PHF3: variants seen among roughly 807,000 people sequenced by gnomAD.
PHF3 encodes the protein PHD finger protein 3.
PHF3 carries 41 observed loss-of-function variants against 178.4 expected under a neutral mutation model. That is an observed-to-expected ratio of 0.23 (90% CI 0.18 to 0.30). The LOEUF is 0.30. Ranked by LOEUF, PHF3 falls within the 10% of genes least tolerant of loss-of-function variation. The pLI, the probability that PHF3 is intolerant of heterozygous loss-of-function variation, is 1.00. For missense variants in PHF3, 2,346 were observed against 2,398.1 expected (o/e 0.98, Z 0.45); for synonymous variants, 842 against 800.5 (o/e 1.05, Z -0.88).
At chr6:63,702,895 T>C (rs1767535032) in intron 10 of PHF3, among the ~76,000 whole-genome samples, 1 of 152,164 alleles carries the variant, frequency 6.6e-6, no homozygotes, top group Non-Finnish European at 1.5e-5. Context: ...TATTTTTTGG[T>C]GGGATAGAGT....
At chr6:63,681,670 A>G (rs964857937) in intron 3 of PHF3, among the ~76,000 whole-genome samples, 1 of 151,936 alleles carries the variant, frequency 6.6e-6, no homozygotes, top group Non-Finnish European at 1.5e-5. Flanking sequence ...TTTTGTCTTT[A>G]TTAAGATACT....
intron 2 of PHF3, among the ~76,000 whole-genome samples, chr6:63,667,934 G>A (rs1582038809): frequency 6.6e-6 from 1 of 152,282 alleles, no homozygotes; most frequent in South Asian, 2.1e-4. Context: ...TTGGATTACT[G>A]GGTTAAGGTA....
intron 4 of PHF3, among the ~76,000 whole-genome samples, chr6:63,687,372 C>T (rs929660505): frequency 7.9e-5 from 12 of 152,124 alleles, no homozygotes; most frequent in Admixed American, 5.9e-4. Flanking sequence ...TGCAGTGAGC[C>T]GACATTGAGC....
intron 2 of PHF3, chr6:63,679,098 GT>G (rs144676369): frequency 5.6e-3 from 770 of 137,522 alleles, no homozygotes; most frequent in Middle Eastern, 0.014. Flanking sequence ...TGATAAAGGT[GT>G]TTTTTTTTTT....
At position 63,661,132 on chromosome 6, in the gene PHF3, C is replaced by T. The variant is rs571212144; in HGVS notation, c.244+14337C>T. Among the ~76,000 whole-genome samples, 25 of 152,250 alleles carry T rather than the reference C, an allele frequency of 1.6e-4. No individual in the cohort carries two copies. The South Asian group carries it at 5.0e-3, about 30-fold the overall frequency. ...ACAGTTCTTGCAGTTCTCAACATTACTGTGTTTAATCCCAGGAATTATTCA... is the reference window on the plus strand; with the variant it reads ...ACAGTTCTTGCAGTTCTCAACATTATTGTGTTTAATCCCAGGAATTATTCA... On this transcript the variant is annotated intron_variant, in intron 2 of 15. Transcript: ENST00000262043.
chr6:63,658,151 C>T (rs1765314900), intron 2 of PHF3, among the ~76,000 whole-genome samples: 1 of 152,170 alleles, frequency 6.6e-6, no homozygotes, highest in Admixed American at 6.5e-5. Flanking sequence ...ATGTCTAGCC[C>T]AGCTCACTAC....
Position 63,685,314 on chromosome 6 carries a change from A to G in PHF3, c.1592A>G (p.Asn531Ser). Residue 531 changes from asparagine (N) to serine (S), a missense_variant, in exon 4 of 16, where the codon AAT becomes AGT. Physicochemically the swap from Asn to Ser is conservative, Grantham distance 46. This residue lies in a region of PHF3 where 843 missense variants were observed against 795.2 expected (regional missense o/e 1.06). Coordinates refer to ENST00000262043, the MANE Select transcript of PHF3 (RefSeq NM_001370348.2). Reference protein sequence around the residue: ...TKVNVKSVKRNTDVPESQQNF... With the variant: ...TKVNVKSVKRSTDVPESQQNF... Reference sequence around the variant, plus strand: ...GTTAATGTCAAAAGTGTGAAACGAAATACTGATGTACCAGAATCTCAGCAA... The same window carrying G: ...GTTAATGTCAAAAGTGTGAAACGAAGTACTGATGTACCAGAATCTCAGCAA... 6.2e-7 allele frequency: 1 copy of G among 1,614,138 alleles called. No individual in the cohort carries two copies. Among genetic ancestry groups the G allele is most frequent in the African/African-American group, 1.3e-5 (1 of 75,050 alleles).
intron 1 of PHF3, among the ~76,000 whole-genome samples, chr6:63,645,935 T>G (rs1420281816): frequency 6.6e-6 from 1 of 152,140 alleles, no homozygotes; most frequent in African/African-American, 2.4e-5. Context: ...TCTTTTAAGT[T>G]TTGATTTGTT....
chr6:63,666,435 T>G (rs1228629154), intron 2 of PHF3, among the ~76,000 whole-genome samples: 2 of 152,014 alleles, frequency 1.3e-5, no homozygotes, highest in African/African-American at 4.8e-5. Flanking sequence ...TATATTTGCT[T>G]CGTGTTTGTC....
chr6:63,703,818 G>C, intron 11 of PHF3, 147 bp downstream of exon 11: 1 of 685,956 alleles, frequency 1.5e-6, no homozygotes, highest in Admixed American at 3.4e-5. Context: ...TCGTGTGACT[G>C]GTTTTCTGGG....
intron 2 of PHF3, among the ~76,000 whole-genome samples, chr6:63,669,530 G>A (rs1322952224): frequency 6.6e-6 from 1 of 152,160 alleles, no homozygotes; most frequent in African/African-American, 2.4e-5. Context: ...GAGAGGCCAG[G>A]AAACTTGAGT....
chr6:63,670,545 C>T (rs1009202163), intron 2 of PHF3, among the ~76,000 whole-genome samples: 3 of 152,172 alleles, frequency 2.0e-5, no homozygotes, highest in African/African-American at 7.2e-5. Context: ...CTCGGCCTCC[C>T]AAAGTGCTGG....
rs1481519741 is a variant in PHF3 at position 63,711,696 on chromosome 6, A to G, written c.4108A>G (p.Ser1370Gly). The change falls in exon 16 of 16, where the codon AGT becomes GGT. Residue 1370 changes from serine (S) to glycine (G), a missense_variant. Around this residue, in one of 8 missense-constraint regions of PHF3, gnomAD observed 839 missense variants for 806.9 expected, o/e 1.04. Transcript: ENST00000262043. ...STSHIAETPE[S>G]APPIALPPDK... ...TAGTCATATAGCTGAGACTCCTGAA[A>G]GTGCACCACCAATAGCATTGCCACC... is the stretch of plus-strand genomic sequence containing the variant. 2 of 1,614,024 alleles carry G rather than the reference A, an allele frequency of 1.2e-6. No individual in the cohort carries two copies. Among genetic ancestry groups the G allele is most frequent in the South Asian group, 2.2e-5 (2 of 91,082 alleles).
intron 1 of PHF3, 40 bp from the exon 2 acceptor site, chr6:63,646,487 T>G (rs1361414664): frequency 7.0e-7 from 1 of 1,425,864 alleles, no homozygotes; most frequent in Admixed American, 2.2e-5. Flanking sequence ...TTTCAATTGA[T>G]AGCTTTATTT....
intron 2 of PHF3, among the ~76,000 whole-genome samples, chr6:63,652,121 T>G (rs971166168): frequency 3.3e-5 from 5 of 152,236 alleles, no homozygotes; most frequent in Admixed American, 1.3e-4. Context: ...TTCCATATGT[T>G]TTCCATAATG....
intron 9 of PHF3, among the ~76,000 whole-genome samples, chr6:63,701,143 A>T (rs755576468): frequency 3.5e-4 from 54 of 152,224 alleles, no homozygotes; most frequent in Non-Finnish European, 3.4e-4. Flanking sequence ...AAAAATGTGT[A>T]CAGGCTTATC....
In PHF3 at chr6:63,712,921, A is replaced by G; in HGVS notation, c.5333A>G (p.Lys1778Arg). The G allele has an allele frequency of 1.2e-6, 2 of 1,614,016 alleles. No homozygotes were observed. The highest frequency in any genetic ancestry group is 1.7e-6 in the Non-Finnish European group (2 of 1,179,958). ...ACATGTCCATCAGAATTTCCTTCTA[A>G]AAGCATCACCTTTACTTCCAGAAGC... ...GNTCPSEFPS[K>R]SITFTSRSTS... Residue 1778 changes from lysine (K) to arginine (R), a missense_variant, in exon 16 of 16, where the codon AAA (lysine) becomes AGA (arginine). Physicochemically the swap from Lys to Arg is conservative, Grantham distance 26 (BLOSUM62 2). This residue lies in a region of PHF3 where 839 missense variants were observed against 806.9 expected (regional missense o/e 1.04). Transcript: ENST00000262043.
At chr6:63,659,019 T>A (rs1452761042) in intron 2 of PHF3, among the ~76,000 whole-genome samples, 4 of 152,182 alleles carry the variant, frequency 2.6e-5, no homozygotes, top group African/African-American at 4.8e-5. Context: ...TAATCTTTTT[T>A]ACTCAAGTCT....
intron 2 of PHF3, among the ~76,000 whole-genome samples, chr6:63,670,457 A>T (rs556470167): frequency 3.8e-4 from 58 of 151,854 alleles, no homozygotes; most frequent in Non-Finnish European, 7.7e-4. Context: ...TTTAGTAGAG[A>T]TGGGGTTTCA....
Sources: allele counts gnomAD v4.1 joint callset (sites outside exome capture counted in the v4.1 genomes callset), GRCh38; gene constraint gnomAD v4.1.1; regional missense constraint gnomAD v4.1.1; transcripts MANE v1.5; gene names NCBI Gene and HGNC (gene_info 2026-07-23, HGNC 2026-07-21).